The following ARHGEF12 variants were observed in gnomAD, a reference collection of about 807,000 sequenced individuals.
ARHGEF12 encodes Rho guanine nucleotide exchange factor 12.
ARHGEF12 carries 66 observed loss-of-function variants against 211.2 expected under a neutral mutation model. The observed-to-expected ratio is 0.31, with a 90% CI of 0.26 to 0.38. ARHGEF12 has a LOEUF of 0.38. ARHGEF12 is among the 10% of genes least tolerant of loss of function. ARHGEF12 has a pLI of 1.00. For missense variants in ARHGEF12, 1,429 were observed against 1,869.5 expected (o/e 0.76, Z 4.34); for synonymous variants, 592 against 638.4 (o/e 0.93, Z 1.09).
intron 1 of ARHGEF12, among the ~76,000 whole-genome samples, chr11:120,348,531 A>G (rs1424534356): frequency 6.6e-6 from 1 of 152,210 alleles, no homozygotes; most frequent in Non-Finnish European, 1.5e-5. Flanking sequence ...AATTATTTAC[A>G]GTAGTGTATA....
At chr11:120,367,368 TTTTTTTTTTTTTTTTG>T (rs1943456447) in intron 1 of ARHGEF12, among the ~76,000 whole-genome samples, 1 of 122,126 alleles carries the variant, frequency 8.2e-6, no homozygotes, top group Non-Finnish European at 1.7e-5. Flanking sequence ...TTTTTTTTTT[TTTTTTTTTTTTTTTTG>T]AGGTGGAGTC....
At chr11:120,413,087 T>C (rs1352818245) in intron 4 of ARHGEF12, among the ~76,000 whole-genome samples, 1 of 152,250 alleles carries the variant, frequency 6.6e-6, no homozygotes, top group Admixed American at 6.5e-5. Flanking sequence ...AATTTGGTCA[T>C]TCACTTGCTA....
In ARHGEF12 at chr11:120,470,402, C is replaced by A. The variant is rs1946833294; in HGVS notation, c.2955+1014C>A. Among the ~76,000 whole-genome samples the A allele has an allele frequency of 2.0e-5, 3 of 152,146 alleles. 1 individual carries two copies. Among genetic ancestry groups the A allele is most frequent in the South Asian group, 4.1e-4 (2 of 4,830 alleles). ...AAGGAAAAGTGATGTCAAGAATAAA[C>A]CCCCAGGTTTCTGGATTGCATATTT... On this transcript the variant is annotated intron_variant, in intron 30 of 40. Transcript: ENST00000397843.
At chr11:120,471,360 G>A (rs930874233) in intron 30 of ARHGEF12, among the ~76,000 whole-genome samples, 3 of 152,108 alleles carry the variant, frequency 2.0e-5, no homozygotes, top group Non-Finnish European at 2.9e-5. Context: ...ATGCAAAAGA[G>A]TACATACCTA....
chr11:120,477,926 T>C (rs1322666669), intron 36 of ARHGEF12, among the ~76,000 whole-genome samples: 2 of 151,442 alleles, frequency 1.3e-5, no homozygotes, highest in African/African-American at 4.9e-5. Flanking sequence ...ACTTTAATAC[T>C]GTTTGGTTTA....
At chr11:120,360,883 A>G (rs1342125971) in intron 1 of ARHGEF12, among the ~76,000 whole-genome samples, 2 of 151,912 alleles carry the variant, frequency 1.3e-5, no homozygotes, top group East Asian at 3.8e-4. Context: ...CCACTTGGAA[A>G]TAAGTTCCTC....
intron 27 of ARHGEF12, chr11:120,463,740 A>G (rs973993674): frequency 4.6e-5 from 7 of 152,152 alleles, no homozygotes; most frequent in African/African-American, 1.7e-4. Flanking sequence ...CTATTAAAAT[A>G]TTGCTTTGTA....
rs766821116 is a variant in ARHGEF12, at chr11:120,431,764, G to T, written c.784-7G>T. ...GTGTGCGCGTGTTTTTCTTTCATCT[G>T]TTTTAGGATGGAGCTGTAGTTACAC... On this transcript the variant is annotated splice_region_variant and splice_polypyrimidine_tract_variant and intron_variant, in intron 10 of 40. Transcript: ENST00000397843. The T allele has an allele frequency of 7.6e-6, 12 of 1,583,528 alleles. No homozygotes were observed. In the Admixed American group the frequency reaches 1.2e-4, roughly 15 times the overall value.
chr11:120,361,742 T>A (rs541507647), intron 1 of ARHGEF12, among the ~76,000 whole-genome samples: 8 of 152,372 alleles, frequency 5.3e-5, no homozygotes, highest in Admixed American at 4.6e-4. Context: ...CACATTTATC[T>A]TGTTCACTTT....
At position 120,426,864 on chromosome 11, in the gene ARHGEF12, T is replaced by TTTTTTG. The variant is rs148913679; in HGVS notation, c.407-1181_407-1176dup. On this transcript the variant is annotated intron_variant, in intron 7 of 40. Transcript: ENST00000397843. ...ATTACTGACTCTGATTATGGTGTTT[T>TTTTTTG]TTTTTGTTTTTGTTTTTGTTTTTGT... 2.8e-4 allele frequency among the ~76,000 whole-genome samples: 43 copies of TTTTTTG among 151,666 alleles called. No homozygotes were observed. In the South Asian group the frequency reaches 6.9e-3, roughly 24 times the overall value.
At chr11:120,431,628 T>C in intron 10 of ARHGEF12, 143 bp from the exon 11 acceptor site, 1 of 801,874 alleles carries the variant, frequency 1.2e-6, no homozygotes. Flanking sequence ...TCGTAGAATT[T>C]TAAACATACT....
intron 1 of ARHGEF12, among the ~76,000 whole-genome samples, chr11:120,400,505 A>G (rs1565454195): frequency 6.6e-6 from 1 of 152,222 alleles, no homozygotes; most frequent in Non-Finnish European, 1.5e-5. Flanking sequence ...TGAAGTGAAT[A>G]TAGTCTTTAA....
At chr11:120,344,291 A>T (rs1942633617) in intron 1 of ARHGEF12, among the ~76,000 whole-genome samples, 1 of 151,350 alleles carries the variant, frequency 6.6e-6, no homozygotes, top group South Asian at 2.1e-4. Flanking sequence ...AAAAAAAAAA[A>T]AAACTGGAGA....
In ARHGEF12 at chr11:120,486,525, A is replaced by G. The variant is rs115301528; in HGVS notation, c.*1448A>G. On this transcript the variant is annotated 3_prime_UTR_variant, in exon 41 of 41. Coordinates refer to ENST00000397843, the MANE Select transcript of ARHGEF12 (RefSeq NM_015313.3). The stretch of plus-strand genomic sequence containing the variant: ...GTAATTTGAGAACTCCTTCAATTAT[A>G]TTGACTTTCTTTGGTTTTCCTTGTG... 995 of 228,788 alleles carry G rather than the reference A, an allele frequency of 4.3e-3. 6 individuals are homozygous for G. Among genetic ancestry groups the G allele is most frequent in the African/African-American group, 0.019 (880 of 45,216 alleles). The allele number at this position is 228,788 out of a possible 1,614,324, so 14.2% of individuals were successfully genotyped here.
At chr11:120,461,774 A>G (rs1238091377) in intron 27 of ARHGEF12, among the ~76,000 whole-genome samples, 3 of 152,220 alleles carry the variant, frequency 2.0e-5, no homozygotes, top group Non-Finnish European at 2.9e-5. Flanking sequence ...CTGCTATATC[A>G]GCACTTGCTG....
chr11:120,402,347 A>G (rs1218811972), intron 1 of ARHGEF12, among the ~76,000 whole-genome samples: 1 of 152,150 alleles, frequency 6.6e-6, no homozygotes, highest in Non-Finnish European at 1.5e-5. Flanking sequence ...CTGATTTGCA[A>G]TTCTTTGTCT....
intron 25 of ARHGEF12, chr11:120,458,841 C>G (rs1946439178): frequency 6.0e-6 from 1 of 165,560 alleles, no homozygotes; most frequent in Non-Finnish European, 1.3e-5. Flanking sequence ...TAAGAGGGCT[C>G]AAGTTAAAGG....
chr11:120,419,014 C>T (rs565980537), intron 4 of ARHGEF12, among the ~76,000 whole-genome samples: 2 of 151,636 alleles, frequency 1.3e-5, no homozygotes, highest in South Asian at 4.2e-4. Context: ...CGCTCTGTCG[C>T]CCAGGCTGGA....
chr11:120,425,254 A>C lies in ARHGEF12; in HGVS notation c.406+839A>C, dbSNP rs1306776749. On this transcript the variant is annotated intron_variant, in intron 7 of 40. Coordinates refer to ENST00000397843, the MANE Select transcript of ARHGEF12 (RefSeq NM_015313.3). ...GTCATCTGAATCTGAGTCAGGTGGA[A>C]TCTTCCCCAACCTGGGCTTTGGTTT... Among the ~76,000 whole-genome samples the C allele has an allele frequency of 2.0e-5, 3 of 151,842 alleles. No homozygotes were observed. In the East Asian group the frequency reaches 5.8e-4, roughly 29 times the overall value.
Sources: gnomAD v4.1 joint callset for allele counts (sites outside exome capture counted in the v4.1 genomes callset) on GRCh38, gnomAD v4.1.1 for gene constraint, MANE v1.5 for transcripts, NCBI Gene and HGNC (gene_info 2026-07-23, HGNC 2026-07-21) for gene names.